NRXN1: variants seen among roughly 807,000 people sequenced by gnomAD.
NRXN1 encodes neurexin-1.
In NRXN1, 39 loss-of-function variants were observed where a neutral mutation model predicts 150.9. The observed-to-expected ratio is 0.26, with a 90% CI of 0.20 to 0.34. The LOEUF is 0.34. Among genes scored for constraint, NRXN1 ranks in the 10% least tolerant of loss-of-function variants. The pLI, the probability that NRXN1 is intolerant of heterozygous loss-of-function variation, is 1.00. For missense variants in NRXN1, 1,815 were observed against 1,949.9 expected, an observed-to-expected ratio of 0.93 and a Z score of 1.30; for synonymous variants, 924 against 757.0, an observed-to-expected ratio of 1.22 and a Z score of -3.62.
At chr2:50,864,841 C>A (rs150005182) in intron 5 of NRXN1, among the ~76,000 whole-genome samples, 1 of 152,036 alleles carries the variant, frequency 6.6e-6, no homozygotes, top group Admixed American at 6.6e-5. Flanking sequence ...AAGAAGCACC[C>A]GGAAGAACTG....
intron 17 of NRXN1, among the ~76,000 whole-genome samples, chr2:50,381,773 A>C (rs140699652): frequency 2.0e-3 from 306 of 152,254 alleles, no homozygotes; most frequent in African/African-American, 7.0e-3. Context: ...GCTTAAACTA[A>C]TTGTAGAACC....
chr2:50,793,492 C>T (rs1706358228), intron 5 of NRXN1, among the ~76,000 whole-genome samples: 1 of 152,066 alleles, frequency 6.6e-6, no homozygotes, highest in African/African-American at 2.4e-5. Context: ...AGAACCATTA[C>T]TCTAAAAACT....
intron 5 of NRXN1, among the ~76,000 whole-genome samples, chr2:50,686,588 C>T (rs991702218): frequency 6.6e-6 from 1 of 152,168 alleles, no homozygotes; most frequent in South Asian, 2.1e-4. Context: ...CTATAAAATG[C>T]TACATAAGAC....
chr2:50,186,734 C>A (rs758968173), intron 18 of NRXN1, among the ~76,000 whole-genome samples: 45 of 151,770 alleles, frequency 3.0e-4, no homozygotes, highest in Non-Finnish European at 5.7e-4. Context: ...ATTTAACCAG[C>A]GGAATTTGTG....
At chr2:50,107,596 G>GA (rs1241008438) in intron 18 of NRXN1, among the ~76,000 whole-genome samples, 9 of 130,070 alleles carry the variant, frequency 6.9e-5, no homozygotes, top group African/African-American at 1.1e-4. Context: ...TGGATTGTAA[G>GA]AAAAAAAAAC....
chr2:50,002,605 G>T (rs958786419), intron 21 of NRXN1, among the ~76,000 whole-genome samples: 1 of 152,008 alleles, frequency 6.6e-6, no homozygotes, highest in Non-Finnish European at 1.5e-5. Flanking sequence ...GTCTTTTAAC[G>T]TCAAAGTTTA....
chr2:50,538,088 T>A (rs1038666922), intron 10 of NRXN1, among the ~76,000 whole-genome samples, 165 bp downstream of exon 10: 3 of 152,170 alleles, frequency 2.0e-5, no homozygotes, highest in African/African-American at 7.2e-5. Context: ...TGAAAAACAT[T>A]AAGAGCTCAT....
chr2:50,315,590 G>A (rs2075535931), intron 17 of NRXN1, among the ~76,000 whole-genome samples: 1 of 152,084 alleles, frequency 6.6e-6, no homozygotes, highest in Non-Finnish European at 1.5e-5. Context: ...CTCCTGTACA[G>A]TCAGTGCCCA....
At chr2:50,419,982 T>G (rs985513321) in intron 17 of NRXN1, among the ~76,000 whole-genome samples, 2 of 151,978 alleles carry the variant, frequency 1.3e-5, no homozygotes, top group Non-Finnish European at 2.9e-5. Context: ...CTGGCCAGCC[T>G]TACACGTGTA....
rs562219421 is a variant in NRXN1 at position 50,346,869 on chromosome 2, T to C, written c.3365-109899A>G. 363 of 1,382,330 alleles carry C rather than the reference T, an allele frequency of 2.6e-4. 1 individual carries two copies. The East Asian group carries it at 9.9e-3, about 38-fold the overall frequency. 85.6% of individuals were successfully genotyped at this position (1,382,330 alleles called of 1,614,324 possible). A position where few individuals can be genotyped will look rare whatever the true frequency, so the allele number is the denominator to read the frequency against. ...TCCAAAGCAGGGCCAGGCGCCCCCC[T>C]GCGCCGCCGCCGCCGCCGCCGCCGC... On this transcript the variant is annotated intron_variant, in intron 17 of 22. Transcript: ENST00000401669. This position sits in a 1 kb window ranked among gnomAD's most constrained non-coding sequence, Gnocchi z 5.0.
intron 5 of NRXN1, among the ~76,000 whole-genome samples, chr2:50,810,578 G>A (rs1024446517): frequency 1.3e-5 from 2 of 152,142 alleles, no homozygotes; most frequent in Non-Finnish European, 2.9e-5. Flanking sequence ...TTCTGGCTGA[G>A]TTCCACACAT....
chr2:50,465,319 T>C (rs1440410015), intron 17 of NRXN1, 123 bp downstream of exon 17: 3 of 878,076 alleles, frequency 3.4e-6, no homozygotes, highest in Non-Finnish European at 4.7e-6. Context: ...CAACTGCTTC[T>C]ATGGGTTATG....
At chr2:50,927,553 G>A (rs960836364) in intron 2 of NRXN1, among the ~76,000 whole-genome samples, 10 of 151,926 alleles carry the variant, frequency 6.6e-5, no homozygotes, top group Non-Finnish European at 1.3e-4. Context: ...TGACTTTGAT[G>A]TTACACAAAC....
At chr2:50,935,154 T>C (rs1034856078) in intron 2 of NRXN1, among the ~76,000 whole-genome samples, 1 of 152,214 alleles carries the variant, frequency 6.6e-6, no homozygotes, top group African/African-American at 2.4e-5. Flanking sequence ...CCTTTCATCC[T>C]ACTATCTTAT....
chr2:50,283,749 G>C (rs1036977130), intron 17 of NRXN1, among the ~76,000 whole-genome samples: 31 of 152,060 alleles, frequency 2.0e-4, no homozygotes, highest in African/African-American at 7.5e-4. Flanking sequence ...TGCTCTGACT[G>C]TAACACCTAT....
chr2:49,996,814 T>C (rs1683081003), intron 21 of NRXN1, among the ~76,000 whole-genome samples: 1 of 152,226 alleles, frequency 6.6e-6, no homozygotes, highest in African/African-American at 2.4e-5. Flanking sequence ...AGCAAATTTA[T>C]TTGTGCTGTT....
intron 17 of NRXN1, among the ~76,000 whole-genome samples, chr2:50,404,962 C>T (rs2082655135): frequency 6.6e-6 from 1 of 152,070 alleles, no homozygotes; most frequent in Non-Finnish European, 1.5e-5. Flanking sequence ...ACACTCTTCT[C>T]TTGCCAAAAG....
At chr2:50,296,846 T>A (rs555820561) in intron 17 of NRXN1, among the ~76,000 whole-genome samples, 1 of 151,084 alleles carries the variant, frequency 6.6e-6, no homozygotes, top group Non-Finnish European at 1.5e-5. Flanking sequence ...TCCACCTCCA[T>A]CTATGTTGCT....
At chr2:50,085,555 C>T (rs1213780856) in intron 19 of NRXN1, among the ~76,000 whole-genome samples, 1 of 151,964 alleles carries the variant, frequency 6.6e-6, no homozygotes, top group Non-Finnish European at 1.5e-5. Context: ...TAATAATTTA[C>T]TTAATTTGCT....
Sources: gnomAD v4.1 joint callset for allele counts (sites outside exome capture counted in the v4.1 genomes callset) on GRCh38, gnomAD v4.1.1 for gene constraint, Gnocchi (gnomAD v3.1) non-coding constraint, MANE v1.5 for transcripts, NCBI Gene and HGNC (gene_info 2026-07-23, HGNC 2026-07-21) for gene names.